SEMA3D: variants seen among roughly 807,000 people sequenced by gnomAD.
SEMA3D encodes semaphorin 3D.
Under a neutral mutation model 100.1 loss-of-function variants are expected in SEMA3D, and 84 were observed. The observed-to-expected ratio is 0.84, with a 90% CI of 0.70 to 1.01. The LOEUF (loss-of-function observed/expected upper bound fraction) is 1.01, where lower values mean the gene tolerates loss of function less well. SEMA3D is among the 50% of genes least tolerant of loss of function. The pLI is 0.00. For synonymous variants in SEMA3D, 312 were observed against 320.7 expected, an observed-to-expected ratio of 0.97 and a Z score of 0.29; for missense variants, 875 against 934.1, an observed-to-expected ratio of 0.94 and a Z score of 0.82.
At chr7:85,245,688 A>G in the SEMA3D span, among the ~76,000 whole-genome samples, 6 of 152,302 alleles carry the variant, frequency 3.9e-5, 1 homozygote, top group East Asian at 1.2e-3. Flanking sequence ...GTAATTATCA[A>G]TCTTTCACAT....
chr7:85,180,240 A>T (rs1217041445), intron 1 of SEMA3D, among the ~76,000 whole-genome samples: 2 of 152,104 alleles, frequency 1.3e-5, no homozygotes, highest in Admixed American at 1.3e-4. Flanking sequence ...CTCACAAGAC[A>T]TAAGGGTTTT....
intron 9 of SEMA3D, among the ~76,000 whole-genome samples, chr7:85,051,674 C>T (rs933876448): frequency 1.3e-5 from 2 of 151,934 alleles, no homozygotes; most frequent in Admixed American, 6.6e-5. Context: ...GTTATATTTT[C>T]AACTGGCTAT....
chr7:85,243,214 C>T, the SEMA3D span, among the ~76,000 whole-genome samples: 2 of 152,142 alleles, frequency 1.3e-5, no homozygotes, highest in African/African-American at 4.8e-5. Flanking sequence ...TTTATGGGGA[C>T]AGGATGTAAT....
chr7:85,020,188 TCA>T (rs756709400), intron 14 of SEMA3D, 43 bp downstream of exon 14: 31 of 1,293,840 alleles, frequency 2.4e-5, no homozygotes, highest in Middle Eastern at 1.8e-4. Flanking sequence ...CAAGCGCTAC[TCA>T]GTTTCAACAT....
chr7:85,249,600 C>G, the SEMA3D span, among the ~76,000 whole-genome samples: 1 of 152,198 alleles, frequency 6.6e-6, no homozygotes, highest in East Asian at 1.9e-4. Context: ...AACTGATGAT[C>G]AATTAAAAAA....
At chr7:85,027,575 T>C (rs1012273203) in intron 12 of SEMA3D, among the ~76,000 whole-genome samples, 5 of 152,052 alleles carry the variant, frequency 3.3e-5, no homozygotes, top group East Asian at 1.9e-4. Context: ...AGTCAAGTTT[T>C]GTTAACCAAG....
chr7:85,060,942 G>A (rs552365943), intron 8 of SEMA3D, among the ~76,000 whole-genome samples: 7 of 152,194 alleles, frequency 4.6e-5, no homozygotes, highest in South Asian at 4.2e-4. Context: ...CATCTGAGGC[G>A]TTATTGTTCG....
upstream of SEMA3D, among the ~76,000 whole-genome samples, chr7:85,187,092 T>G (rs945020872): frequency 5.9e-5 from 9 of 152,024 alleles, no homozygotes; most frequent in African/African-American, 2.2e-4. Flanking sequence ...GGATTACCTT[T>G]CCCCTTCCGA....
At chr7:85,040,567 T>A in intron 11 of SEMA3D, 106 bp downstream of exon 11, 1 of 642,034 alleles carries the variant, frequency 1.6e-6, no homozygotes. Context: ...AAAAAAAAGT[T>A]TACGATATGC....
the SEMA3D span, among the ~76,000 whole-genome samples, chr7:85,247,339 G>A: frequency 1.7e-3 from 257 of 152,078 alleles, 1 homozygote; most frequent in African/African-American, 6.0e-3. Context: ...AAATTTCAGG[G>A]TAATTCAAAC....
intron 3 of SEMA3D, among the ~76,000 whole-genome samples, chr7:85,106,564 C>A (rs1449525707): frequency 2.0e-5 from 3 of 151,894 alleles, no homozygotes; most frequent in African/African-American, 4.8e-5. Flanking sequence ...ATATGTATAT[C>A]AAAAAATAAT....
intron 2 of SEMA3D, among the ~76,000 whole-genome samples, chr7:85,138,852 C>T (rs1246398063): frequency 6.6e-6 from 1 of 151,378 alleles, no homozygotes; most frequent in African/African-American, 2.4e-5. Context: ...TGATATTCCC[C>T]CCTGTCCATA....
At chr7:85,128,423 G>T (rs1789627176) in intron 2 of SEMA3D, among the ~76,000 whole-genome samples, 1 of 151,868 alleles carries the variant, frequency 6.6e-6, no homozygotes, top group Admixed American at 6.6e-5. Context: ...CCTGCCTCAG[G>T]CTCCCAAAGT....
chr7:85,187,437 T>C (rs1791591497), upstream of SEMA3D, among the ~76,000 whole-genome samples: 2 of 152,176 alleles, frequency 1.3e-5, no homozygotes, highest in Non-Finnish European at 2.9e-5. Flanking sequence ...CGTTCCACTA[T>C]GTAAAACCTC....
chr7:85,016,357 G>A (rs1032427306), intron 15 of SEMA3D, among the ~76,000 whole-genome samples: 1 of 149,150 alleles, frequency 6.7e-6, no homozygotes, highest in African/African-American at 2.5e-5. Context: ...AACAATATAA[G>A]TATAAATGTA....
At chr7:85,214,632 G>T in the SEMA3D span, among the ~76,000 whole-genome samples, 1 of 151,972 alleles carries the variant, frequency 6.6e-6, no homozygotes, top group Non-Finnish European at 1.5e-5. Flanking sequence ...GAGTAGCTGG[G>T]ATTATAGGCA....
chr7:85,202,130 C>G, the SEMA3D span, among the ~76,000 whole-genome samples: 1 of 151,148 alleles, frequency 6.6e-6, no homozygotes, highest in Admixed American at 6.6e-5. Flanking sequence ...CATACATATA[C>G]ATGTGCCATG....
Position 85,005,944 on chromosome 7 carries a change from G to T in SEMA3D, c.1908+858C>A, listed in dbSNP as rs868031585. ...TTTTCAATAAGGCTGATATTTTAGA[G>T]AAATTTGATTTATTTACATAAGAGA... On this transcript the variant is annotated intron_variant, in intron 18 of 18. Coordinates refer to ENST00000284136, the MANE Select transcript of SEMA3D (RefSeq NM_001384900.1). Among the ~76,000 whole-genome samples the T allele has an allele frequency of 5.3e-5, 8 of 152,110 alleles. 1 individual carries two copies. The highest frequency in any genetic ancestry group is 6.8e-3 in the Middle Eastern group (2 of 294).
chr7:85,167,045 G>A (rs11982387), intron 1 of SEMA3D, among the ~76,000 whole-genome samples: 66,435 of 151,658 alleles, frequency 0.44, 15,540 homozygotes, highest in East Asian at 0.69. Context: ...CAATACAAAC[G>A]TATTGGCCTT....
Sources: allele counts gnomAD v4.1 joint callset (sites outside exome capture counted in the v4.1 genomes callset), GRCh38; gene constraint gnomAD v4.1.1; transcripts MANE v1.5; gene names NCBI Gene and HGNC (gene_info 2026-07-23, HGNC 2026-07-21).